Variants in ARHGEF3 observed in about 807,000 individuals in gnomAD.
ARHGEF3 encodes the protein 59.8 kDA protein.
ARHGEF3 carries 28 observed loss-of-function variants against 63.2 expected under a neutral mutation model. The ratio of observed to expected loss-of-function variants is 0.44; its 90% CI spans 0.33 to 0.61. The LOEUF is 0.61. Ranked by LOEUF, ARHGEF3 falls within the 20% of genes least tolerant of loss-of-function variation. ARHGEF3 has a pLI of 0.03. For synonymous variants in ARHGEF3, 266 were observed against 254.2 expected, an observed-to-expected ratio of 1.05 and a Z score of -0.44; for missense variants, 533 against 659.3, an observed-to-expected ratio of 0.81 and a Z score of 2.10.
chr3:56,739,396 CT>C (rs11309388), intron 7 of ARHGEF3, among the ~76,000 whole-genome samples: 77,760 of 132,984 alleles, frequency 0.58, 23,034 homozygotes, highest in East Asian at 0.91. Flanking sequence ...AATTATTTTC[CT>C]TTTTTTTTTT....
chr3:56,892,771 C>T (rs1373751237), intron 3 of ARHGEF3, among the ~76,000 whole-genome samples: 1 of 152,334 alleles, frequency 6.6e-6, no homozygotes, highest in Non-Finnish European at 1.5e-5. Context: ...TCACTTGGCT[C>T]GTGTTCCCGC....
At chr3:56,793,372 C>T (rs1430988902) in intron 1 of ARHGEF3, among the ~76,000 whole-genome samples, 4 of 152,250 alleles carry the variant, frequency 2.6e-5, no homozygotes, top group Admixed American at 6.5e-5. Flanking sequence ...GGTTTCACCG[C>T]GTTAGCCAGG....
intron 3 of ARHGEF3, among the ~76,000 whole-genome samples, chr3:56,954,926 G>A (rs999991412): frequency 5.9e-5 from 9 of 152,088 alleles, no homozygotes; most frequent in South Asian, 2.1e-4. Flanking sequence ...AAACAAAGAC[G>A]GGGGTGCAAT....
chr3:56,756,224 A>G (rs1350403652), intron 2 of ARHGEF3, among the ~76,000 whole-genome samples: 1 of 152,144 alleles, frequency 6.6e-6, no homozygotes, highest in Admixed American at 6.5e-5. Flanking sequence ...ATTTCATCAC[A>G]CTTATTGGAG....
At chr3:57,045,471 T>C (rs1463661) in intron 1 of ARHGEF3, among the ~76,000 whole-genome samples, 50,024 of 152,102 alleles carry the variant, frequency 0.33, 9,823 homozygotes, top group East Asian at 0.82. Flanking sequence ...CTGCCTACTG[T>C]ATGATAGGCA....
Position 56,827,197 on chromosome 3 carries a change from C to T in ARHGEF3, c.193-53381G>A, listed in dbSNP as rs916923038. On this transcript the variant is annotated intron_variant, in intron 4 of 12. Transcript: ENST00000338458. ...AATATAAGCAAAGACAAATGACAAA[C>T]TGGGAAAATATAGTTACAACTCGTA... Among the ~76,000 whole-genome samples, 11 of 152,218 alleles carry T rather than the reference C, an allele frequency of 7.2e-5. No individual in the cohort carries two copies. In the South Asian group the frequency reaches 1.0e-3, roughly 14 times the overall value.
chr3:57,035,577 G>C (rs1703918407), intron 1 of ARHGEF3, among the ~76,000 whole-genome samples: 1 of 152,232 alleles, frequency 6.6e-6, no homozygotes, highest in African/African-American at 2.4e-5. Flanking sequence ...TTAAACTCCT[G>C]ACCTCAGGTG....
chr3:56,857,994 A>T (rs2039943252), intron 4 of ARHGEF3, among the ~76,000 whole-genome samples: 1 of 152,180 alleles, frequency 6.6e-6, no homozygotes. Context: ...CTGTAATCGT[A>T]GCACTTTGGG....
chr3:56,992,271 C>T (rs1701779828), intron 2 of ARHGEF3, among the ~76,000 whole-genome samples: 1 of 149,608 alleles, frequency 6.7e-6, no homozygotes, highest in Non-Finnish European at 1.5e-5. Context: ...AAAAATGAAC[C>T]TCTGTATGAG....
intron 3 of ARHGEF3, among the ~76,000 whole-genome samples, chr3:56,952,945 G>A (rs1460342241): frequency 6.6e-6 from 1 of 152,124 alleles, no homozygotes; most frequent in Non-Finnish European, 1.5e-5. Context: ...ATACTCTAAC[G>A]GCCTGGGAAC....
At chr3:56,967,457 ATT>A (rs1439333941) in intron 2 of ARHGEF3, among the ~76,000 whole-genome samples, 1 of 64,334 alleles carries the variant, frequency 1.6e-5, no homozygotes, top group Non-Finnish European at 2.6e-5. Context: ...TATTATACAT[ATT>A]ATATATTATA....
chr3:56,923,025 A>AATATATATATATATATAT (rs72294634), intron 3 of ARHGEF3, among the ~76,000 whole-genome samples: 5 of 91,278 alleles, frequency 5.5e-5, no homozygotes, highest in Non-Finnish European at 8.4e-5. Context: ...ATCTCTACTA[A>AATATATATATATATATAT]ATATATATAT....
chr3:57,010,465 A>T (rs975197639), intron 2 of ARHGEF3, among the ~76,000 whole-genome samples: 1 of 151,954 alleles, frequency 6.6e-6, no homozygotes, highest in South Asian at 2.1e-4. Flanking sequence ...CAAAAAAAAA[A>T]AAAAAAAAAC....
chr3:56,731,407 T>C (rs964754623), intron 9 of ARHGEF3, among the ~76,000 whole-genome samples: 9 of 152,024 alleles, frequency 5.9e-5, no homozygotes, highest in South Asian at 4.2e-4. Context: ...GGCCAGCCCC[T>C]GTACTCCCAG....
chr3:57,025,785 C>A (rs75519644), intron 2 of ARHGEF3, among the ~76,000 whole-genome samples: 4,103 of 152,270 alleles, frequency 0.027, 102 homozygotes, highest in Non-Finnish European at 0.039. Flanking sequence ...AGGGCCCCTG[C>A]CTGTCCTACT....
intron 4 of ARHGEF3, among the ~76,000 whole-genome samples, chr3:56,843,878 A>G (rs1416000314): frequency 6.6e-6 from 1 of 152,164 alleles, no homozygotes; most frequent in East Asian, 1.9e-4. Flanking sequence ...TGAGGGAGGG[A>G]TTGGCATTAG....
intron 1 of ARHGEF3, among the ~76,000 whole-genome samples, chr3:57,042,181 T>C (rs533946214): frequency 2.0e-5 from 3 of 152,224 alleles, no homozygotes. Flanking sequence ...CCCAGGAGGA[T>C]GGGGACTACT....
chr3:56,854,135 C>T (rs1030025211), intron 4 of ARHGEF3, among the ~76,000 whole-genome samples: 2 of 152,092 alleles, frequency 1.3e-5, no homozygotes, highest in Non-Finnish European at 2.9e-5. Context: ...GCAGAGCTTA[C>T]AGTGAGCCGA....
At chr3:56,773,847 T>C (rs1048174901) in intron 1 of ARHGEF3, 31 bp from the exon 2 acceptor site, 1 of 1,495,236 alleles carries the variant, frequency 6.7e-7, no homozygotes, top group Non-Finnish European at 9.1e-7. Flanking sequence ...AAAAGTAAAA[T>C]GTCAAGGTCA....
Sources: gnomAD v4.1 joint callset for allele counts (sites outside exome capture counted in the v4.1 genomes callset) on GRCh38, gnomAD v4.1.1 for gene constraint, MANE v1.5 for transcripts, NCBI Gene and HGNC (gene_info 2026-07-23, HGNC 2026-07-21) for gene names.